Variants in CANX observed in about 807,000 individuals in gnomAD.
CANX encodes calnexin, also known as epididymis secretory sperm binding protein.
In CANX, 14 loss-of-function variants were observed where a neutral mutation model predicts 75.7. That is an observed-to-expected ratio of 0.19 (90% CI 0.12 to 0.29). CANX has a LOEUF of 0.29. Ranked by LOEUF, CANX falls within the 10% of genes least tolerant of loss-of-function variation. CANX has a pLI of 1.00. For synonymous variants in CANX, 227 were observed against 236.9 expected, an observed-to-expected ratio of 0.96 and a Z score of 0.38; for missense variants, 567 against 713.2, an observed-to-expected ratio of 0.79 and a Z score of 2.34.
At chr5:179,683,731 A>G (rs1055866383) in intron 1 of CANX, among the ~76,000 whole-genome samples, 1 of 151,354 alleles carries the variant, frequency 6.6e-6, no homozygotes, top group Non-Finnish European at 1.5e-5. Flanking sequence ...ATGGGGTTTC[A>G]CCATATTCAC....
chr5:179,716,984 C>G (rs376462545), intron 8 of CANX, among the ~76,000 whole-genome samples: 4 of 152,008 alleles, frequency 2.6e-5, no homozygotes, highest in African/African-American at 7.2e-5. Flanking sequence ...GCTTGACATG[C>G]GAGGGAGAAA....
upstream of CANX, among the ~76,000 whole-genome samples, chr5:179,697,196 G>T (rs1230668084): frequency 1.3e-5 from 2 of 151,952 alleles, no homozygotes; most frequent in Non-Finnish European, 2.9e-5. Flanking sequence ...TAGTATCTGG[G>T]TCTACGGGTG....
intron 1 of CANX, among the ~76,000 whole-genome samples, chr5:179,693,189 A>G (rs116317522): frequency 0.033 from 4,925 of 150,374 alleles, 288 homozygotes; most frequent in African/African-American, 0.11. Flanking sequence ...GGAAAAATGG[A>G]CAAACGACAT....
chr5:179,723,051 G>C (rs774528000), intron 11 of CANX, 32 bp downstream of exon 11: 11 of 1,559,888 alleles, frequency 7.1e-6, no homozygotes, highest in Non-Finnish European at 9.7e-6. Context: ...ATTTGTGTCT[G>C]TTATTGTAAG....
At chr5:179,708,473 A>T (rs1398087675) in intron 5 of CANX, 93 bp downstream of exon 5, 1 of 1,182,310 alleles carries the variant, frequency 8.5e-7, no homozygotes, top group Non-Finnish European at 1.2e-6. Context: ...AAATTATGAG[A>T]TTATATAAGT....
intron 1 of CANX, among the ~76,000 whole-genome samples, chr5:179,690,021 G>A (rs899479194): frequency 6.6e-6 from 1 of 152,158 alleles, no homozygotes; most frequent in Non-Finnish European, 1.5e-5. Flanking sequence ...TATTCTGATG[G>A]CAGAAAGGAA....
intron 8 of CANX, among the ~76,000 whole-genome samples, chr5:179,718,280 G>A (rs981579498): frequency 6.6e-6 from 1 of 151,984 alleles, no homozygotes; most frequent in Non-Finnish European, 1.5e-5. Flanking sequence ...GGGTTCAAAC[G>A]ATTCTCGTGC....
intron 1 of CANX, chr5:179,699,586 C>T (rs971837845): frequency 1.3e-5 from 2 of 152,190 alleles, no homozygotes; most frequent in Non-Finnish European, 2.9e-5. Context: ...GGAGACTGGA[C>T]CCTAGTTCCC....
rs1295616948 is a variant in CANX, at chr5:179,729,829, A to G, written c.*1185A>G. ...CCAATACAGAATTGACTGCAGTTGA[A>G]CAGACTAGAAGTATTTGTGGGAGGA... On this transcript the variant is annotated 3_prime_UTR_variant, in exon 15 of 15. Transcript: ENST00000247461. The G allele has an allele frequency of 2.0e-5, 3 of 152,644 alleles. No homozygotes were observed. In the East Asian group the frequency reaches 5.8e-4, roughly 29 times the overall value. 9.5% of individuals were successfully genotyped at this position (152,644 alleles called of 1,614,324 possible). A position where few individuals can be genotyped will look rare whatever the true frequency, so the allele number is the denominator to read the frequency against.
At chr5:179,715,537 C>CA (rs1404162004) in intron 7 of CANX, among the ~76,000 whole-genome samples, 1 of 151,794 alleles carries the variant, frequency 6.6e-6, no homozygotes, top group Non-Finnish European at 1.5e-5. Context: ...GACTCTGTCT[C>CA]AAAAAAATAA....
At chr5:179,702,412 T>TTTCC (rs1022290299) in intron 1 of CANX, among the ~76,000 whole-genome samples, 1 of 136,410 alleles carries the variant, frequency 7.3e-6, no homozygotes, top group Middle Eastern at 3.5e-3. Flanking sequence ...CCCTCCCTCC[T>TTTCC]TTCCTTCCTT....
chr5:179,681,962 AAAG>A (rs1776074458), intron 1 of CANX, among the ~76,000 whole-genome samples: 1 of 150,082 alleles, frequency 6.7e-6, no homozygotes, highest in Non-Finnish European at 1.5e-5. Flanking sequence ...AAAAAAAAAA[AAAG>A]AGGGCCAGGC....
In CANX at chr5:179,723,648, CT is replaced by C; in HGVS notation, c.1399-10del. 6.2e-7 allele frequency: 1 copy of C among 1,610,652 alleles called. No homozygotes were observed. Among genetic ancestry groups the C allele is most frequent in the Middle Eastern group, 1.7e-4 (1 of 6,044 alleles). On this transcript the variant is annotated splice_polypyrimidine_tract_variant and intron_variant, in intron 11 of 14. Coordinates refer to ENST00000247461, the MANE Select transcript of CANX (RefSeq NM_001746.4). ...AGCTGGAACTTTCAATCAGCCCTGT[CT>C]TGTTTTTCAGCCAGGCGTTGTGGGG...
At position 179,707,136 on chromosome 5, in the gene CANX, A is replaced by T; in HGVS notation, c.250A>T (p.Ile84Phe). ...SFDRGTLSGW[I>F]LSKAKKDDTD... ...TTTGGGATTTGTTATTTACAGGTGG[A>T]TTTTATCCAAAGCCAAGAAAGACGA... Residue 84 changes from isoleucine (I) to phenylalanine (F), a missense_variant, in exon 4 of 15, where the codon ATT (isoleucine) becomes TTT (phenylalanine). Around this residue, in one of 3 missense-constraint regions of CANX, gnomAD observed 351 missense variants for 433.8 expected, o/e 0.81. Coordinates refer to ENST00000247461, the MANE Select transcript of CANX (RefSeq NM_001746.4). 2.5e-6 allele frequency: 4 copies of T among 1,588,632 alleles called. No homozygotes were observed. The highest frequency in any genetic ancestry group is 3.5e-6 in the Non-Finnish European group (4 of 1,156,916).
At chr5:179,697,655 C>T (rs540077364), upstream of CANX, among the ~76,000 whole-genome samples, 8 of 152,292 alleles carry the variant, frequency 5.3e-5, no homozygotes, top group South Asian at 1.4e-3. Flanking sequence ...GCCTGTAATC[C>T]CAGCACTGTG....
At chr5:179,718,610 C>T (rs1337431834) in intron 8 of CANX, among the ~76,000 whole-genome samples, 2 of 152,002 alleles carry the variant, frequency 1.3e-5, no homozygotes, top group Non-Finnish European at 2.9e-5. Flanking sequence ...CTCACCACAA[C>T]CTCTGCCTCC....
At chr5:179,717,028 G>A (rs1335369109) in intron 8 of CANX, among the ~76,000 whole-genome samples, 3 of 152,202 alleles carry the variant, frequency 2.0e-5, no homozygotes, top group Non-Finnish European at 4.4e-5. Context: ...GCACATTGAA[G>A]AGTGAGGAGA....
At position 179,708,234 on chromosome 5, in the gene CANX, T is replaced by C. The variant is rs773678144; in HGVS notation, c.305-5T>C. 6.2e-7 allele frequency: 1 copy of C among 1,613,276 alleles called. No individual in the cohort carries two copies. The highest frequency in any genetic ancestry group is 8.5e-7 in the Non-Finnish European group (1 of 1,179,376). ...GCAGTGGAACTTTTTTGTGTTGTCTTGTAGGAAAGTGGGAGGTAGAGGAAA... is the reference window on the plus strand; with the variant it reads ...GCAGTGGAACTTTTTTGTGTTGTCTCGTAGGAAAGTGGGAGGTAGAGGAAA... On this transcript the variant is annotated splice_region_variant and splice_polypyrimidine_tract_variant and intron_variant, in intron 4 of 14. Coordinates refer to ENST00000247461, the MANE Select transcript of CANX (RefSeq NM_001746.4).
rs992851702 is a variant in CANX, at chr5:179,706,280, C to T, written c.194C>T (p.Pro65Leu). Reference sequence around the variant, plus strand: ...CAGGTTACTTACAAAGCTCCAGTTCCAACAGGGGAAGTATATTTTGCTGAT... The same window carrying T: ...CAGGTTACTTACAAAGCTCCAGTTCTAACAGGGGAAGTATATTTTGCTGAT... ...SPKVTYKAPVPTGEVYFADSF... is the reference protein window; with the variant it reads ...SPKVTYKAPVLTGEVYFADSF... Residue 65 changes from proline to leucine, a missense_variant, in exon 3 of 15, where the codon CCA (proline) becomes CTA (leucine). By Grantham distance (98) the Pro-to-Leu change is moderately conservative. Around this residue, in one of 3 missense-constraint regions of CANX, gnomAD observed 351 missense variants for 433.8 expected, o/e 0.81. Transcript: ENST00000247461. 6 of 1,597,040 alleles carry T rather than the reference C, an allele frequency of 3.8e-6. No homozygotes were observed. The highest frequency in any genetic ancestry group is 4.3e-6 in the Non-Finnish European group (5 of 1,166,186).
Sources: gnomAD v4.1 joint callset for allele counts (sites outside exome capture counted in the v4.1 genomes callset) on GRCh38, gnomAD v4.1.1 for gene constraint, gnomAD v4.1.1 regional missense constraint, MANE v1.5 for transcripts, NCBI Gene and HGNC (gene_info 2026-07-23, HGNC 2026-07-21) for gene names.